B4GALT1: variants seen among roughly 807,000 people sequenced by gnomAD.
The protein encoded by B4GALT1 is beta-1,4-galactosyltransferase 1.
A neutral mutation model predicts 34.9 loss-of-function variants in B4GALT1; 16 were observed. The ratio of observed to expected loss-of-function variants is 0.46; its 90% CI spans 0.31 to 0.70. The LOEUF (loss-of-function observed/expected upper bound fraction) is 0.70. B4GALT1 is among the 30% of genes least tolerant of loss of function. The pLI is 0.05. For missense variants in B4GALT1, 445 were observed against 530.5 expected, an observed-to-expected ratio of 0.84 and a Z score of 1.58; for synonymous variants, 221 against 218.1, an observed-to-expected ratio of 1.01 and a Z score of -0.12.
At chr9:33,154,518 T>A (rs1840569407) in intron 1 of B4GALT1, among the ~76,000 whole-genome samples, 1 of 152,202 alleles carries the variant, frequency 6.6e-6, no homozygotes. Flanking sequence ...GCTGTGAGAG[T>A]TCATGAAAAC....
intron 1 of B4GALT1, among the ~76,000 whole-genome samples, chr9:33,152,939 C>T (rs1840544426): frequency 6.6e-6 from 1 of 152,114 alleles, no homozygotes; most frequent in Admixed American, 6.5e-5. Flanking sequence ...TGGCTCACGC[C>T]TATAGTCCCA....
intron 2 of B4GALT1, 42 bp from the exon 3 acceptor site, chr9:33,120,648 C>T (rs1840008402): frequency 1.2e-6 from 2 of 1,603,868 alleles, no homozygotes; most frequent in Non-Finnish European, 8.5e-7. Context: ...TGCCTTAAAG[C>T]CTTTGGGCCA....
chr9:33,167,909 G>A (rs1351096646), upstream of B4GALT1, among the ~76,000 whole-genome samples: 3 of 152,244 alleles, frequency 2.0e-5, no homozygotes, highest in Non-Finnish European at 4.4e-5. Flanking sequence ...CTGCTTAACG[G>A]GGGGTCCTGC....
At chr9:33,171,644 T>G (rs944502516), upstream of B4GALT1, among the ~76,000 whole-genome samples, 1 of 152,080 alleles carries the variant, frequency 6.6e-6, no homozygotes, top group Non-Finnish European at 1.5e-5. Flanking sequence ...AACGTCAAAC[T>G]CCTGGGCTCA....
the B4GALT1 span, among the ~76,000 whole-genome samples, chr9:33,180,559 ACACTGCTCTGCCGTGGC>A: frequency 6.6e-6 from 1 of 152,216 alleles, no homozygotes; most frequent in Non-Finnish European, 1.5e-5. Flanking sequence ...GTCAATTATA[ACACTGCTCTGCCGTGGC>A]CACCATTGCC....
intron 1 of B4GALT1, among the ~76,000 whole-genome samples, chr9:33,163,092 A>G (rs955071698): frequency 5.9e-5 from 9 of 152,144 alleles, no homozygotes; most frequent in Non-Finnish European, 1.0e-4. Context: ...GCTCATCCCC[A>G]AAAGGGCGAG....
At chr9:33,113,962 T>C in intron 4 of B4GALT1, 84 bp from the exon 5 acceptor site, 2 of 1,243,178 alleles carry the variant, frequency 1.6e-6, no homozygotes, top group Non-Finnish European at 2.4e-6. Flanking sequence ...TGTTGCTCCA[T>C]CCACCATCAC....
intron 1 of B4GALT1, among the ~76,000 whole-genome samples, chr9:33,152,339 CATAACAT>C (rs141401128): frequency 1.1e-4 from 16 of 143,680 alleles, no homozygotes; most frequent in South Asian, 2.2e-4. Context: ...CATAACATAA[CATAACAT>C]AACATAACAT....
At chr9:33,142,296 T>G (rs1840364332) in intron 1 of B4GALT1, among the ~76,000 whole-genome samples, 1 of 152,196 alleles carries the variant, frequency 6.6e-6, no homozygotes, top group South Asian at 2.1e-4. Context: ...GTTTCTTAAA[T>G]CAGATGTTTG....
At position 33,149,247 on chromosome 9, in the gene B4GALT1, T is replaced by C. The variant is rs556715571; in HGVS notation, c.413-13823A>G. On this transcript the variant is annotated intron_variant, in intron 1 of 5. Coordinates refer to ENST00000379731, the MANE Select transcript of B4GALT1 (RefSeq NM_001497.4). ...AGTTTGAGGAGTAACAGGACAAGTA[T>C]ATGCCCATAAGATACTTAAAAAATT... Among the ~76,000 whole-genome samples, 107 of 151,690 alleles carry C rather than the reference T, an allele frequency of 7.1e-4. 1 individual carries two copies. The highest frequency in any genetic ancestry group is 2.4e-3 in the African/African-American group (99 of 41,406).
chr9:33,150,384 C>A, intron 1 of B4GALT1, among the ~76,000 whole-genome samples: 1 of 147,150 alleles, frequency 6.8e-6, no homozygotes. Flanking sequence ...TTCTGTAAGT[C>A]TGAAGTTATG....
intron 4 of B4GALT1, among the ~76,000 whole-genome samples, chr9:33,115,340 C>G (rs986531297): frequency 6.6e-6 from 1 of 152,196 alleles, no homozygotes; most frequent in African/African-American, 2.4e-5. Flanking sequence ...AGGTGCTCAT[C>G]GGTGGCTGGT....
intron 2 of B4GALT1, among the ~76,000 whole-genome samples, chr9:33,105,369 AAC>A (rs1304695143): frequency 6.6e-6 from 1 of 151,466 alleles, no homozygotes; most frequent in Non-Finnish European, 1.5e-5. Context: ...GAGAACTCCC[AAC>A]CTCAGGTGAT....
At position 33,157,063 on chromosome 9, in the gene B4GALT1, TACACAC is replaced by T. The variant is rs371027641; in HGVS notation, c.412+9689_412+9694del. ...CCACATGGTGTCCAGCATAGGGAAC[TACACAC>T]ACACACACACACACACACACACACA... On this transcript the variant is annotated intron_variant, in intron 1 of 5. Transcript: ENST00000379731. Among the ~76,000 whole-genome samples the T allele has an allele frequency of 2.9e-3, 256 of 87,294 alleles. 4 individuals carry two copies. The highest frequency in any genetic ancestry group is 0.015 in the South Asian group (28 of 1,900). The allele number at this position is 87,294 out of a possible 152,430, so 57.3% of individuals were successfully genotyped here. A position where few individuals can be genotyped will look rare whatever the true frequency, so the allele number is the denominator to read the frequency against.
At chr9:33,109,361 C>T (rs1286176161), downstream of B4GALT1, among the ~76,000 whole-genome samples, 4 of 152,180 alleles carry the variant, frequency 2.6e-5, no homozygotes, top group African/African-American at 9.7e-5. Context: ...TCTCTCCATC[C>T]GGTTCTTCAT....
intron 1 of B4GALT1, among the ~76,000 whole-genome samples, chr9:33,142,664 C>T (rs1840369804): frequency 6.6e-6 from 1 of 151,986 alleles, no homozygotes; most frequent in East Asian, 1.9e-4. Flanking sequence ...TTACCCAGAC[C>T]AGAGTGCAAT....
At chr9:33,176,642 G>C in the B4GALT1 span, among the ~76,000 whole-genome samples, 4 of 152,228 alleles carry the variant, frequency 2.6e-5, no homozygotes, top group South Asian at 8.3e-4. Flanking sequence ...CCGATAAGTG[G>C]GAGCTAGACA....
intron 1 of B4GALT1, among the ~76,000 whole-genome samples, chr9:33,143,724 A>C (rs569550586): frequency 6.6e-6 from 1 of 152,224 alleles, no homozygotes; most frequent in Admixed American, 6.5e-5. Context: ...CTTCCCTCCC[A>C]CCCTCATGAA....
chr9:33,134,130 A>G (rs1840232513), intron 2 of B4GALT1, among the ~76,000 whole-genome samples: 1 of 152,098 alleles, frequency 6.6e-6, no homozygotes, highest in Non-Finnish European at 1.5e-5. Context: ...GAGACCTTAC[A>G]CTTCTTCAGA....
Sources: gnomAD v4.1 joint callset for allele counts (sites outside exome capture counted in the v4.1 genomes callset) on GRCh38, gnomAD v4.1.1 for gene constraint, MANE v1.5 for transcripts, NCBI Gene and HGNC (gene_info 2026-07-23, HGNC 2026-07-21) for gene names.